RSRP1: variants seen among roughly 807,000 people sequenced by gnomAD.
The protein encoded by RSRP1 is arginine/serine-rich protein 1.
A neutral mutation model predicts 33.0 loss-of-function variants in RSRP1; 37 were observed. The observed-to-expected ratio is 1.12, with a 90% CI of 0.86 to 1.48. The LOEUF is 1.48. RSRP1 is among the 40% of genes most tolerant of loss of function. The pLI is 0.00. For synonymous variants in RSRP1, 167 were observed against 158.7 expected (o/e 1.05, Z -0.40); for missense variants, 402 against 385.3 (o/e 1.04, Z -0.36).
chr1:25,262,239 C>T (rs957973961), intron 1 of RSRP1, among the ~76,000 whole-genome samples: 3 of 152,178 alleles, frequency 2.0e-5, no homozygotes, highest in South Asian at 2.1e-4. Context: ...GAGTCCCACA[C>T]TGCGAACCAT....
At chr1:25,255,981 G>A (rs1048710953) in intron 1 of RSRP1, among the ~76,000 whole-genome samples, 1 of 152,102 alleles carries the variant, frequency 6.6e-6, no homozygotes, top group Non-Finnish European at 1.5e-5. Flanking sequence ...CAAATGGGGG[G>A]TTGGAGACCA....
At position 25,298,973 on chromosome 1, in the gene RSRP1, C is replaced by G. The variant is rs185249671; in HGVS notation, c.-67+39005G>C. ...TACAGACCTGAAGGTAACGAGTGCA[C>G]AAGCCATATGGGTACCTGAGAACAG... is the stretch of plus-strand genomic sequence containing the variant. On this transcript the variant is annotated intron_variant, in intron 1 of 1. Coordinates refer to the RSRP1 transcript ENST00000561867. Among the ~76,000 whole-genome samples the G allele has an allele frequency of 1.6e-5, 2 of 121,798 alleles. 1 individual carries two copies. The highest frequency in any genetic ancestry group is 3.8e-5 in the Non-Finnish European group (2 of 53,146). The allele number at this position is 121,798 out of a possible 152,430, so 79.9% of individuals were successfully genotyped here.
Position 25,282,472 on chromosome 1 carries a change from A to G in RSRP1, c.-66-35443T>C, listed in dbSNP as rs577296090. On this transcript the variant is annotated intron_variant, in intron 1 of 1. Coordinates refer to the RSRP1 transcript ENST00000561867. ...CTAGTCTCGAACTGCTGACTTCATG[A>G]TCTGCCCACCTCATCCTCCTAAATT... Among the ~76,000 whole-genome samples the G allele has an allele frequency of 2.5e-4, 33 of 131,656 alleles. 2 individuals carry two copies. In the East Asian group the frequency reaches 5.7e-3, roughly 23 times the overall value. 86.4% of individuals were successfully genotyped at this position (131,656 alleles called of 152,430 possible).
chr1:25,329,111 T>C (rs1254974428), intron 1 of RSRP1: 1 of 1,230,054 alleles, frequency 8.1e-7, no homozygotes. Flanking sequence ...TCACCATTTA[T>C]TATGCACTGT....
At chr1:25,255,700 C>T (rs1639925441) in intron 1 of RSRP1, among the ~76,000 whole-genome samples, 1 of 152,080 alleles carries the variant, frequency 6.6e-6, no homozygotes, top group Non-Finnish European at 1.5e-5. Context: ...AGTGGGAGCC[C>T]TGAGCTTGTT....
upstream of RSRP1, among the ~76,000 whole-genome samples, chr1:25,248,508 CTG>C (rs1639656870): frequency 6.6e-6 from 1 of 152,180 alleles, no homozygotes; most frequent in African/African-American, 2.4e-5. Flanking sequence ...CGGGATCTAA[CTG>C]TGTTGCCCAG....
chr1:25,295,850 ATT>A (rs61131306), intron 1 of RSRP1, among the ~76,000 whole-genome samples: 2 of 81,318 alleles, frequency 2.5e-5, no homozygotes, highest in African/African-American at 8.6e-5. Flanking sequence ...AATATGGGAA[ATT>A]TTTTTTTTTT....
At chr1:25,259,528 G>C (rs1640060905) in intron 1 of RSRP1, among the ~76,000 whole-genome samples, 1 of 150,898 alleles carries the variant, frequency 6.6e-6, no homozygotes, top group Non-Finnish European at 1.5e-5. Context: ...TTTTGAAACG[G>C]AGTCTCACTC....
rs190246820 is a variant in RSRP1, at chr1:25,271,765, A to C, written c.-66-24736T>G. 2.8e-4 allele frequency among the ~76,000 whole-genome samples: 37 copies of C among 131,208 alleles called. 6 individuals are homozygous for C. The highest frequency in any genetic ancestry group is 5.9e-4 in the Admixed American group (8 of 13,544). The allele number at this position is 131,208 out of a possible 152,430, so 86.1% of individuals were successfully genotyped here. A position where few individuals can be genotyped will look rare whatever the true frequency, so the allele number is the denominator to read the frequency against. ...ATGCTGAGGCTGGTGGCCTTCCTCAAATGCACTGTAGTGCCCCAGGCAGAG... is the reference window on the plus strand; with the variant it reads ...ATGCTGAGGCTGGTGGCCTTCCTCACATGCACTGTAGTGCCCCAGGCAGAG... On this transcript the variant is annotated intron_variant, in intron 1 of 1. Transcript: ENST00000561867.
At chr1:25,286,960 G>C (rs1642071988) in intron 1 of RSRP1, among the ~76,000 whole-genome samples, 1 of 133,680 alleles carries the variant, frequency 7.5e-6, no homozygotes, top group Admixed American at 7.2e-5. Context: ...GGGTGTGGCG[G>C]CAGGCACCTG....
intron 3 of RSRP1, chr1:25,244,143 A>G (rs944336333): frequency 2.1e-5 from 27 of 1,287,046 alleles, no homozygotes; most frequent in Non-Finnish European, 2.7e-5. Flanking sequence ...TTGCTAATGC[A>G]CATCCTGCAC....
At position 25,285,376 on chromosome 1, in the gene RSRP1, C is replaced by G. The variant is rs544367552; in HGVS notation, c.-66-38347G>C. On this transcript the variant is annotated intron_variant, in intron 1 of 1. Transcript: ENST00000561867. ...CTCAAACTCCTGACCTCAGGTGATC[C>G]GCCCGCCTCGGCCTCCCAAAGTGCT... Among the ~76,000 whole-genome samples the G allele has an allele frequency of 3.0e-3, 401 of 134,588 alleles. 42 individuals carry two copies. The highest frequency in any genetic ancestry group is 8.2e-3 in the African/African-American group (318 of 38,946). The allele number at this position is 134,588 out of a possible 152,430, so 88.3% of individuals were successfully genotyped here. A position where few individuals can be genotyped will look rare whatever the true frequency, so the allele number is the denominator to read the frequency against.
intron 3 of RSRP1, chr1:25,244,725 C>G (rs1639201225): frequency 2.6e-6 from 3 of 1,170,136 alleles, no homozygotes; most frequent in Non-Finnish European, 3.2e-6. Flanking sequence ...CGCTCTGCTG[C>G]CCAGGCTAGA....
In RSRP1 at chr1:25,247,411, C is replaced by A. The variant is rs980896456; in HGVS notation, c.-169G>T. On this transcript the variant is annotated 5_prime_UTR_variant, in exon 1 of 5. Coordinates refer to ENST00000243189, the MANE Select transcript of RSRP1 (RefSeq NM_020317.5). ...GGGGCTTTTAGTCCCTGCTTTCGAACGGCGAATTCCACAACCTCCACCTCC... is the reference window on the plus strand; with the variant it reads ...GGGGCTTTTAGTCCCTGCTTTCGAAAGGCGAATTCCACAACCTCCACCTCC... 4.9e-5 allele frequency: 8 copies of A among 163,568 alleles called. No individual in the cohort carries two copies. The highest frequency in any genetic ancestry group is 1.1e-4 in the Non-Finnish European group (8 of 75,928). 10.1% of individuals were successfully genotyped at this position (163,568 alleles called of 1,614,324 possible). A position where few individuals can be genotyped will look rare whatever the true frequency, so the allele number is the denominator to read the frequency against.
At position 25,295,733 on chromosome 1, in the gene RSRP1, G is replaced by A. The variant is rs1368372893; in HGVS notation, c.-67+42245C>T. On this transcript the variant is annotated intron_variant, in intron 1 of 1. Coordinates refer to the RSRP1 transcript ENST00000561867. ...GGCTGACATCATCAGTGACCAAGAGGCGGCCGGGAGGCTGAGACCACAGCA... is the reference window on the plus strand; with the variant it reads ...GGCTGACATCATCAGTGACCAAGAGACGGCCGGGAGGCTGAGACCACAGCA... Among the ~76,000 whole-genome samples, 6 of 108,872 alleles carry A rather than the reference G, an allele frequency of 5.5e-5. 2 individuals are homozygous for A. The highest frequency in any genetic ancestry group is 1.1e-4 in the Non-Finnish European group (5 of 45,160). 71.4% of individuals were successfully genotyped at this position (108,872 alleles called of 152,430 possible).
At position 25,310,351 on chromosome 1, in the gene RSRP1, G is replaced by A. The variant is rs1271948008; in HGVS notation, c.-67+27627C>T. Among the ~76,000 whole-genome samples, 4 of 133,070 alleles carry A rather than the reference G, an allele frequency of 3.0e-5. 1 individual carries two copies. The highest frequency in any genetic ancestry group is 7.2e-5 in the Non-Finnish European group (4 of 55,930). The allele number at this position is 133,070 out of a possible 152,430, so 87.3% of individuals were successfully genotyped here. On this transcript the variant is annotated intron_variant, in intron 1 of 1. Transcript: ENST00000561867. ...CTTATAAGAAGAGAAAGAGAAATCT[G>A]AGCTGGCATGCTCTTGCCCTCTCAC...
chr1:25,247,119 G>T, intron 1 of RSRP1, 90 bp from the exon 2 acceptor site: 1 of 827,892 alleles, frequency 1.2e-6, no homozygotes, highest in South Asian at 2.9e-5. Flanking sequence ...TCCGGGAGGC[G>T]GAGCCACGGC....
intron 1 of RSRP1, among the ~76,000 whole-genome samples, chr1:25,261,084 G>C (rs1640124757): frequency 6.6e-6 from 1 of 152,116 alleles, no homozygotes; most frequent in African/African-American, 2.4e-5. Context: ...ACAGGCGTGA[G>C]CCACCGCACC....
At position 25,331,191 on chromosome 1, in the gene RSRP1, C is replaced by G. The variant is rs1644999939; in HGVS notation, c.-67+6787G>C. Among the ~76,000 whole-genome samples, 2 of 129,270 alleles carry G rather than the reference C, an allele frequency of 1.5e-5. 1 individual carries two copies. The highest frequency in any genetic ancestry group is 5.3e-5 in the African/African-American group (2 of 37,950). The allele number at this position is 129,270 out of a possible 152,430, so 84.8% of individuals were successfully genotyped here. A position where few individuals can be genotyped will look rare whatever the true frequency, so the allele number is the denominator to read the frequency against. Reference sequence around the variant, plus strand: ...CCATATTGGCCAGGCTGGTCTCGAACTCCTGACCTTGTCATCTGCCTGCCT... The same window carrying G: ...CCATATTGGCCAGGCTGGTCTCGAAGTCCTGACCTTGTCATCTGCCTGCCT... On this transcript the variant is annotated intron_variant, in intron 1 of 1. Transcript: ENST00000561867.
Sources: allele counts gnomAD v4.1 joint callset (sites outside exome capture counted in the v4.1 genomes callset), GRCh38; gene constraint gnomAD v4.1.1; transcripts MANE v1.5; gene names NCBI Gene and HGNC (gene_info 2026-07-23, HGNC 2026-07-21).